Variants in STK32B observed in about 807,000 individuals in gnomAD.
STK32B encodes serine/threonine-protein kinase 32B.
In STK32B, 43 loss-of-function variants were observed where a neutral mutation model predicts 52.6. The ratio of observed to expected loss-of-function variants is 0.82; its 90% confidence interval spans 0.64 to 1.05. The LOEUF (loss-of-function observed/expected upper bound fraction) is 1.05. Ranked by LOEUF, STK32B falls within the 50% of genes least tolerant of loss-of-function variation. STK32B has a pLI of 0.00. For missense variants in STK32B, 621 were observed against 534.6 expected (o/e 1.16, Z -1.59); for synonymous variants, 238 against 204.3 (o/e 1.17, Z -1.41).
Position 5,166,693 on chromosome 4 carries a change from G to C in STK32B, c.109-1606G>C, listed in dbSNP as rs79853135. ...GAGCCTTCAGAGGGGGCAGGACCCT[G>C]CTGACACCTTGGTTTTGGACTCCCA... On this transcript the variant is annotated intron_variant, in intron 2 of 11. Transcript: ENST00000282908. 2.9e-3 allele frequency among the ~76,000 whole-genome samples: 447 copies of C among 151,930 alleles called. 2 individuals carry two copies. The highest frequency in any genetic ancestry group is 4.6e-3 in the Non-Finnish European group (315 of 67,960).
Position 5,180,826 on chromosome 4 carries a change from A to G in STK32B, c.260+12376A>G, listed in dbSNP as rs377159055. Among the ~76,000 whole-genome samples, 5 of 152,194 alleles carry G rather than the reference A, an allele frequency of 3.3e-5. No individual in the cohort carries two copies. In the East Asian group the frequency reaches 5.8e-4, roughly 18 times the overall value. On this transcript the variant is annotated intron_variant, in intron 3 of 11. Coordinates refer to ENST00000282908, the MANE Select transcript of STK32B (RefSeq NM_018401.3). ...CCTGCATTGATTAATTTTCATAGCAATTTTTGCCTCTAAAGAACGAATGAT... is the reference window on the plus strand; with the variant it reads ...CCTGCATTGATTAATTTTCATAGCAGTTTTTGCCTCTAAAGAACGAATGAT...
Position 5,105,022 on chromosome 4 carries a change from T to G in STK32B, c.53-34883T>G, listed in dbSNP as rs151146664. ...GCCTGTGCTCAATTATCTAAAGCAG[T>G]TGCAGGAATTTACATTTTCACTTGC... On this transcript the variant is annotated intron_variant, in intron 1 of 11. Coordinates refer to ENST00000282908, the MANE Select transcript of STK32B (RefSeq NM_018401.3). Among the ~76,000 whole-genome samples, 176 of 152,356 alleles carry G rather than the reference T, an allele frequency of 1.2e-3. 1 individual carries two copies. The highest frequency in any genetic ancestry group is 3.7e-3 in the African/African-American group (153 of 41,594).
intron 1 of STK32B, among the ~76,000 whole-genome samples, chr4:5,063,140 T>G (rs769190647): frequency 1.3e-5 from 2 of 152,128 alleles, no homozygotes; most frequent in Non-Finnish European, 1.5e-5. Flanking sequence ...ATAGCACAGG[T>G]GTGTGTCCAA....
intron 3 of STK32B, among the ~76,000 whole-genome samples, chr4:5,251,946 A>G (rs951069101): frequency 2.0e-5 from 3 of 152,170 alleles, no homozygotes; most frequent in African/African-American, 7.2e-5. Flanking sequence ...CAGGGGTAGA[A>G]CAATGTCCAT....
intron 1 of STK32B, among the ~76,000 whole-genome samples, chr4:5,067,549 G>T (rs1742471761): frequency 2.0e-5 from 3 of 152,276 alleles, no homozygotes; most frequent in African/African-American, 7.2e-5. Context: ...ATCTAAAGGA[G>T]AAAGCCTAGG....
At chr4:5,359,964 C>T (rs1207226355) in intron 4 of STK32B, among the ~76,000 whole-genome samples, 2 of 152,140 alleles carry the variant, frequency 1.3e-5, no homozygotes, top group Non-Finnish European at 2.9e-5. Context: ...TCTATGCTTT[C>T]GATAGAGGAG....
At chr4:5,392,970 T>G (rs2109038868) in intron 4 of STK32B, among the ~76,000 whole-genome samples, 1 of 152,312 alleles carries the variant, frequency 6.6e-6, no homozygotes, top group South Asian at 2.1e-4. Context: ...GAGAAAGAAG[T>G]AATGTTTAAT....
At chr4:5,142,953 C>T (rs1161254825) in intron 2 of STK32B, among the ~76,000 whole-genome samples, 1 of 152,194 alleles carries the variant, frequency 6.6e-6, no homozygotes, top group Non-Finnish European at 1.5e-5. Context: ...ATTCTGCCTC[C>T]TGGTGGCCTT....
rs539161708 is a variant in STK32B at position 5,298,046 on chromosome 4, C to T, written c.261-33174C>T. ...TCATTCTGACAGTCAGGCCCCTCTT[C>T]TGCAGGTCTGCTGGAGTTTTCTGGA... On this transcript the variant is annotated intron_variant, in intron 3 of 11. Coordinates refer to ENST00000282908, the MANE Select transcript of STK32B (RefSeq NM_018401.3). Among the ~76,000 whole-genome samples the T allele has an allele frequency of 2.0e-5, 3 of 152,316 alleles. No homozygotes were observed. In the East Asian group the frequency reaches 5.8e-4, roughly 29 times the overall value.
At chr4:5,382,166 A>C (rs1426827872) in intron 4 of STK32B, among the ~76,000 whole-genome samples, 1 of 152,166 alleles carries the variant, frequency 6.6e-6, no homozygotes, top group Non-Finnish European at 1.5e-5. Flanking sequence ...AATCTTACCC[A>C]AAAATACTCC....
chr4:5,336,982 T>G (rs1374496846), intron 4 of STK32B, among the ~76,000 whole-genome samples: 3 of 152,126 alleles, frequency 2.0e-5, no homozygotes, highest in African/African-American at 7.2e-5. Context: ...TGTTTTTGTT[T>G]TTGTTTTCTG....
At chr4:5,307,514 A>G (rs1438183911) in intron 3 of STK32B, among the ~76,000 whole-genome samples, 1 of 136,958 alleles carries the variant, frequency 7.3e-6, no homozygotes, top group Non-Finnish European at 1.6e-5. Flanking sequence ...TATGCTACCT[A>G]TTTCACTGGA....
At chr4:5,428,275 G>A (rs1045958281) in intron 6 of STK32B, among the ~76,000 whole-genome samples, 1 of 152,024 alleles carries the variant, frequency 6.6e-6, no homozygotes, top group Non-Finnish European at 1.5e-5. Context: ...AGGCATAGTG[G>A]TGGGTGCCTG....
At chr4:5,372,866 A>G (rs911324249) in intron 4 of STK32B, among the ~76,000 whole-genome samples, 1 of 152,170 alleles carries the variant, frequency 6.6e-6, no homozygotes, top group South Asian at 2.1e-4. Context: ...CATGAGCCCA[A>G]TAAAGTTTAT....
intron 1 of STK32B, among the ~76,000 whole-genome samples, chr4:5,076,186 C>T (rs6821335): frequency 0.019 from 2,944 of 152,268 alleles, 62 homozygotes; most frequent in African/African-American, 0.046. Flanking sequence ...GGGAAGCATA[C>T]TGTGCTGACG....
chr4:5,344,793 C>T (rs1157437410), intron 4 of STK32B, among the ~76,000 whole-genome samples: 1 of 151,844 alleles, frequency 6.6e-6, no homozygotes, highest in Non-Finnish European at 1.5e-5. Context: ...TCTATGCAAG[C>T]ATTCAAAGAC....
At chr4:5,159,705 G>T (rs1190250694) in intron 2 of STK32B, among the ~76,000 whole-genome samples, 1 of 92,204 alleles carries the variant, frequency 1.1e-5, no homozygotes. Context: ...GAATATATAT[G>T]AATATATATA....
chr4:5,479,942 C>A (rs1263154010), intron 11 of STK32B, among the ~76,000 whole-genome samples: 1 of 152,110 alleles, frequency 6.6e-6, no homozygotes, highest in African/African-American at 2.4e-5. Flanking sequence ...TGCCTGGGTA[C>A]AAATCCTGAT....
At chr4:5,410,890 T>A (rs1220356056) in intron 5 of STK32B, among the ~76,000 whole-genome samples, 1 of 152,150 alleles carries the variant, frequency 6.6e-6, no homozygotes, top group East Asian at 1.9e-4. Context: ...GCAGATTCAG[T>A]GTCTGGTGAG....
Sources: gnomAD v4.1 joint callset for allele counts (sites outside exome capture counted in the v4.1 genomes callset) on GRCh38, gnomAD v4.1.1 for gene constraint, MANE v1.5 for transcripts, NCBI Gene and HGNC (gene_info 2026-07-23, HGNC 2026-07-21) for gene names.